HS3ST4: variants seen among roughly 807,000 people sequenced by gnomAD.
HS3ST4 encodes the protein heparan sulfate-glucosamine 3-sulfotransferase 4.
Under a neutral mutation model 29.2 loss-of-function variants are expected in HS3ST4, and 17 were observed. The observed-to-expected ratio is 0.58, with a 90% confidence interval of 0.40 to 0.87. The LOEUF (loss-of-function observed/expected upper bound fraction) is 0.87. Among genes scored for constraint, HS3ST4 ranks in the 40% least tolerant of loss-of-function variants. The probability of loss-of-function intolerance (pLI) is 0.00; values close to 1 mark genes in which losing one functional copy is unlikely to be tolerated. For synonymous variants in HS3ST4, 314 were observed against 285.7 expected (o/e 1.10, Z -1.00); for missense variants, 627 against 634.5 (o/e 0.99, Z 0.13).
chr16:25,802,847 T>G (rs2141624798), intron 1 of HS3ST4, among the ~76,000 whole-genome samples: 1 of 152,170 alleles, frequency 6.6e-6, no homozygotes, highest in East Asian at 1.9e-4. Flanking sequence ...TTGTTGCTAG[T>G]GTGAATGTGA....
chr16:25,716,919 T>C (rs1243455683), intron 1 of HS3ST4, among the ~76,000 whole-genome samples: 11 of 152,170 alleles, frequency 7.2e-5, no homozygotes, highest in African/African-American at 2.7e-4. Context: ...CCGGGCATGA[T>C]GGTGCACACC....
intron 1 of HS3ST4, among the ~76,000 whole-genome samples, chr16:26,074,634 A>T (rs1218027838): frequency 1.3e-5 from 2 of 152,200 alleles, no homozygotes; most frequent in Non-Finnish European, 2.9e-5. Context: ...TTATTTGCTG[A>T]ATATTTTCCT....
chr16:25,947,836 G>A (rs1376214029), intron 1 of HS3ST4, among the ~76,000 whole-genome samples: 2 of 152,126 alleles, frequency 1.3e-5, no homozygotes, highest in African/African-American at 4.8e-5. Context: ...GTGGCTTTGA[G>A]TCCTGGCTTT....
chr16:25,777,848 G>A (rs1268893965), intron 1 of HS3ST4, among the ~76,000 whole-genome samples: 1 of 151,780 alleles, frequency 6.6e-6, no homozygotes, highest in Non-Finnish European at 1.5e-5. Context: ...CCTCCAATAT[G>A]CCAATATAGA....
chr16:25,693,823 G>A (rs1049971406), intron 1 of HS3ST4, among the ~76,000 whole-genome samples: 1 of 152,166 alleles, frequency 6.6e-6, no homozygotes, highest in African/African-American at 2.4e-5. Context: ...TTATGCCTCA[G>A]ACCGTGCCCT....
chr16:25,928,035 CAAAAAAAAAAAAA>C lies in HS3ST4; in HGVS notation c.735-207566_735-207554del, dbSNP rs767016845. On this transcript the variant is annotated intron_variant, in intron 1 of 1. Transcript: ENST00000331351. ...ATAATGTGGAGATACCCCATCTCGACAAAAAAAAAAAAAAAAAAAAAAAGGTAGCCAGGCATGC... is the reference window on the plus strand; with the variant it reads ...ATAATGTGGAGATACCCCATCTCGACAAAAAAAAAAGGTAGCCAGGCATGC... Among the ~76,000 whole-genome samples the C allele has an allele frequency of 1.6e-4, 8 of 50,924 alleles. No homozygotes were observed. In the East Asian group the frequency reaches 5.6e-3, roughly 36 times the overall value. 33.4% of individuals were successfully genotyped at this position (50,924 alleles called of 152,430 possible). A position where few individuals can be genotyped will look rare whatever the true frequency, so the allele number is the denominator to read the frequency against.
At chr16:25,797,886 C>G (rs1471238768) in intron 1 of HS3ST4, among the ~76,000 whole-genome samples, 1 of 152,202 alleles carries the variant, frequency 6.6e-6, no homozygotes, top group African/African-American at 2.4e-5. Flanking sequence ...GTTTCATCAT[C>G]TTTTGGCTGT....
intron 1 of HS3ST4, among the ~76,000 whole-genome samples, chr16:25,807,824 T>G (rs147382853): frequency 7.4e-4 from 113 of 152,328 alleles, no homozygotes; most frequent in African/African-American, 2.7e-3. Flanking sequence ...TGTCATTATT[T>G]TTAATATTAA....
chr16:26,010,462 A>G (rs28497136), intron 1 of HS3ST4, among the ~76,000 whole-genome samples: 19 of 150,432 alleles, frequency 1.3e-4, no homozygotes, highest in Admixed American at 7.2e-4. Flanking sequence ...TCAAAAAAAG[A>G]AAAAAAAGGA....
chr16:25,715,327 TCAAAAAAAAAAAAAAAAAC>T (rs1966446182), intron 1 of HS3ST4, among the ~76,000 whole-genome samples: 1 of 19,714 alleles, frequency 5.1e-5, no homozygotes, highest in African/African-American at 1.8e-4. Flanking sequence ...AGACTCCGTC[TCAAAAAAAAAAAAAAAAAC>T]CAAAAAAAAA....
intron 1 of HS3ST4, among the ~76,000 whole-genome samples, chr16:25,832,521 T>A (rs1303847701): frequency 6.6e-6 from 1 of 152,236 alleles, no homozygotes; most frequent in African/African-American, 2.4e-5. Context: ...TTTATTCTAA[T>A]GTGATTTGCA....
At chr16:25,814,087 G>A (rs1383568499) in intron 1 of HS3ST4, among the ~76,000 whole-genome samples, 1 of 152,114 alleles carries the variant, frequency 6.6e-6, no homozygotes, top group Non-Finnish European at 1.5e-5. Context: ...GCACAGAATT[G>A]GTCCAAAAGG....
intron 1 of HS3ST4, among the ~76,000 whole-genome samples, chr16:25,832,628 A>G (rs915936806): frequency 6.6e-6 from 1 of 152,342 alleles, no homozygotes; most frequent in East Asian, 1.9e-4. Context: ...ATGTATTGGC[A>G]TGTATTTTCT....
chr16:26,111,452 T>A (rs1899128298), intron 1 of HS3ST4, among the ~76,000 whole-genome samples: 1 of 151,894 alleles, frequency 6.6e-6, no homozygotes, highest in African/African-American at 2.4e-5. Context: ...GCTGGAGACA[T>A]CTTTTTCTTA....
chr16:26,046,183 C>T (rs1263745919), intron 1 of HS3ST4, among the ~76,000 whole-genome samples: 7 of 140,230 alleles, frequency 5.0e-5, no homozygotes, highest in Middle Eastern at 4.2e-3. Context: ...CAGAGTATCG[C>T]TCTATCGCCC....
chr16:25,901,552 G>A (rs969344254), intron 1 of HS3ST4, among the ~76,000 whole-genome samples: 20 of 152,148 alleles, frequency 1.3e-4, no homozygotes, highest in Non-Finnish European at 2.9e-4. Flanking sequence ...GTGCACATCT[G>A]TAATCCCAGC....
intron 1 of HS3ST4, among the ~76,000 whole-genome samples, chr16:25,862,544 G>A (rs1277834223): frequency 1.3e-5 from 2 of 152,180 alleles, no homozygotes; most frequent in Non-Finnish European, 2.9e-5. Context: ...CGGAGCCCAG[G>A]CCAGTAATGC....
At chr16:25,805,095 G>A (rs977285141) in intron 1 of HS3ST4, among the ~76,000 whole-genome samples, 1 of 152,022 alleles carries the variant, frequency 6.6e-6, no homozygotes, top group Non-Finnish European at 1.5e-5. Flanking sequence ...TTGATTGCTT[G>A]GATGAGTGGT....
At chr16:25,733,985 C>T (rs1415357927) in intron 1 of HS3ST4, among the ~76,000 whole-genome samples, 16 of 152,162 alleles carry the variant, frequency 1.1e-4, no homozygotes, top group Non-Finnish European at 1.6e-4. Flanking sequence ...GGAGTGGTGG[C>T]ATGCACCTGT....
Sources: gnomAD v4.1 joint callset for allele counts (sites outside exome capture counted in the v4.1 genomes callset) on GRCh38, gnomAD v4.1.1 for gene constraint, MANE v1.5 for transcripts, NCBI Gene and HGNC (gene_info 2026-07-23, HGNC 2026-07-21) for gene names.